Variants in HCN1 observed in about 807,000 individuals in gnomAD.
HCN1 encodes the protein potassium/sodium hyperpolarization-activated cyclic nucleotide-gated channel 1.
Under a neutral mutation model 78.9 loss-of-function variants are expected in HCN1, and 13 were observed. That is an observed-to-expected ratio of 0.16 (90% confidence interval 0.11 to 0.26). HCN1 has a LOEUF of 0.26. Ranked by LOEUF, HCN1 falls within the 10% of genes least tolerant of loss-of-function variation. The pLI is 1.00. For missense variants in HCN1, 810 were observed against 1,154.3 expected (o/e 0.70, Z 4.32); for synonymous variants, 552 against 455.5 (o/e 1.21, Z -2.70).
At chr5:45,583,449 A>C (rs1031806943) in intron 2 of HCN1, among the ~76,000 whole-genome samples, 1 of 151,942 alleles carries the variant, frequency 6.6e-6, no homozygotes, top group African/African-American at 2.4e-5. Flanking sequence ...GCAGTCCATC[A>C]GTTTTGTTGA....
chr5:45,340,659 T>TA (rs1746558978), intron 5 of HCN1, among the ~76,000 whole-genome samples: 1 of 151,848 alleles, frequency 6.6e-6, no homozygotes, highest in African/African-American at 2.4e-5. Context: ...TTTTTTTTTT[T>TA]AAACAACTGA....
chr5:45,312,168 G>T (rs188994097), intron 5 of HCN1, among the ~76,000 whole-genome samples: 4 of 152,178 alleles, frequency 2.6e-5, no homozygotes, highest in Non-Finnish European at 4.4e-5. Flanking sequence ...CTTGGGTGAA[G>T]ATTTTTCTTA....
intron 4 of HCN1, among the ~76,000 whole-genome samples, chr5:45,373,982 A>C (rs1389506261): frequency 8.8e-6 from 1 of 114,108 alleles, no homozygotes; most frequent in Non-Finnish European, 1.6e-5. Context: ...CAGTAGATAC[A>C]TAATATATAT....
At chr5:45,389,529 T>C (rs78316987) in intron 4 of HCN1, among the ~76,000 whole-genome samples, 5,290 of 152,266 alleles carry the variant, frequency 0.035, 336 homozygotes, top group African/African-American at 0.12. Context: ...GGAGGTACCA[T>C]GTCTACTTGC....
intron 3 of HCN1, among the ~76,000 whole-genome samples, chr5:45,409,830 G>A (rs1301152492): frequency 6.6e-6 from 1 of 151,160 alleles, no homozygotes; most frequent in Non-Finnish European, 1.5e-5. Context: ...ATGATTATAA[G>A]ATCAAAATAC....
chr5:45,505,663 T>A (rs1341669552), intron 2 of HCN1, among the ~76,000 whole-genome samples: 2 of 152,118 alleles, frequency 1.3e-5, no homozygotes, highest in Non-Finnish European at 2.9e-5. Flanking sequence ...CATTAAAATC[T>A]GGATGCATAT....
chr5:45,441,828 C>T (rs984011184), intron 3 of HCN1, among the ~76,000 whole-genome samples: 1 of 152,096 alleles, frequency 6.6e-6, no homozygotes. Context: ...TGTTTCTCAA[C>T]AATAGGTAAC....
In HCN1 at chr5:45,561,344, A is replaced by G. The variant is rs184916700; in HGVS notation, c.849+83841T>C. On this transcript the variant is annotated intron_variant, in intron 2 of 7. Coordinates refer to ENST00000303230, the MANE Select transcript of HCN1 (RefSeq NM_021072.4). ...ATTATTTATTGAATAATTTGATTAAAATTTCCAATTCATCTTAAACAAATG... is the reference window on the plus strand; with the variant it reads ...ATTATTTATTGAATAATTTGATTAAGATTTCCAATTCATCTTAAACAAATG... Among the ~76,000 whole-genome samples the G allele has an allele frequency of 1.9e-3, 288 of 152,144 alleles. 3 individuals are homozygous for G. The highest frequency in any genetic ancestry group is 0.018 in the Admixed American group (275 of 15,268).
chr5:45,260,837 T>C lies in HCN1; in HGVS notation c.*1084A>G, dbSNP rs1046331385. On this transcript the variant is annotated 3_prime_UTR_variant, in exon 8 of 8. Transcript: ENST00000303230. The stretch of plus-strand genomic sequence containing the variant: ...GGCAATTAATGAATTGTTATGCTTT[T>C]CTAGAAACGAGAAATACTGTAAGCC... The C allele has an allele frequency of 1.3e-5, 2 of 152,632 alleles. No individual in the cohort carries two copies. The highest frequency in any genetic ancestry group is 1.5e-5 in the Non-Finnish European group (1 of 68,036). 9.5% of individuals were successfully genotyped at this position (152,632 alleles called of 1,614,324 possible).
chr5:45,498,605 C>T (rs1279112972), intron 2 of HCN1, among the ~76,000 whole-genome samples: 1 of 152,194 alleles, frequency 6.6e-6, no homozygotes, highest in Non-Finnish European at 1.5e-5. Flanking sequence ...ATTTTCCGTC[C>T]AGCTTCCTTC....
At chr5:45,423,170 CCTA>C (rs1368810789) in intron 3 of HCN1, among the ~76,000 whole-genome samples, 2 of 152,016 alleles carry the variant, frequency 1.3e-5, no homozygotes, top group African/African-American at 2.4e-5. Flanking sequence ...AATACATGCA[CCTA>C]CTATGTACCC....
intron 2 of HCN1, among the ~76,000 whole-genome samples, chr5:45,609,028 G>A (rs1744780914): frequency 6.6e-6 from 1 of 152,030 alleles, no homozygotes; most frequent in South Asian, 2.1e-4. Flanking sequence ...ACCAAAACCT[G>A]ATACTATTTC....
chr5:45,619,235 G>A (rs1359162446), intron 2 of HCN1, among the ~76,000 whole-genome samples: 2 of 151,892 alleles, frequency 1.3e-5, no homozygotes, highest in Non-Finnish European at 1.5e-5. Flanking sequence ...GTCTTGGAAG[G>A]GCCTAGAAGC....
At chr5:45,569,076 T>C (rs1156536289) in intron 2 of HCN1, among the ~76,000 whole-genome samples, 3 of 152,082 alleles carry the variant, frequency 2.0e-5, no homozygotes, top group Non-Finnish European at 4.4e-5. Context: ...GGAAGAAATG[T>C]CACATACAGA....
In HCN1 at chr5:45,395,989, A is replaced by T. The variant is rs567476544; in HGVS notation, c.1230+503T>A. Among the ~76,000 whole-genome samples the T allele has an allele frequency of 2.6e-5, 4 of 152,212 alleles. No individual in the cohort carries two copies. In the South Asian group the frequency reaches 8.3e-4, roughly 32 times the overall value. ...AGCAGTTGTTATATCCAGTTTTAAG[A>T]CTGGAGAGTGTGGCGACTTATCTAG... On this transcript the variant is annotated intron_variant, in intron 4 of 7. Transcript: ENST00000303230.
intron 5 of HCN1, among the ~76,000 whole-genome samples, chr5:45,320,347 A>G (rs1321163213): frequency 1.3e-5 from 2 of 151,896 alleles, no homozygotes; most frequent in African/African-American, 2.4e-5. Flanking sequence ...TTATAATCAA[A>G]ACAGCAGTTG....
At chr5:45,506,721 T>G (rs1742309469) in intron 2 of HCN1, among the ~76,000 whole-genome samples, 1 of 152,182 alleles carries the variant, frequency 6.6e-6, no homozygotes, top group South Asian at 2.1e-4. Flanking sequence ...AAAAATTGTT[T>G]GCCTAAAAGT....
chr5:45,686,050 T>C (rs562444358), intron 1 of HCN1, among the ~76,000 whole-genome samples: 76 of 152,122 alleles, frequency 5.0e-4, no homozygotes, highest in Non-Finnish European at 9.6e-4. Context: ...TATATAGAAA[T>C]GTTTATATAG....
At chr5:45,519,505 A>G (rs2111775131) in intron 2 of HCN1, among the ~76,000 whole-genome samples, 1 of 152,104 alleles carries the variant, frequency 6.6e-6, no homozygotes. Context: ...TTTGAGAAAA[A>G]AACAATGTGC....
Sources: gnomAD v4.1 joint callset for allele counts (sites outside exome capture counted in the v4.1 genomes callset) on GRCh38, gnomAD v4.1.1 for gene constraint, MANE v1.5 for transcripts, NCBI Gene and HGNC (gene_info 2026-07-23, HGNC 2026-07-21) for gene names.